Variants in OR2F1 observed in about 807,000 individuals in gnomAD.
OR2F1 encodes olfactory receptor 2F1.
For synonymous variants in OR2F1, 146 were observed against 155.3 expected (o/e 0.94, Z 0.44); for missense variants, 389 against 378.2 (o/e 1.03, Z -0.24).
At chr7:143,958,173 C>T (rs1416836378) in intron 1 of OR2F1, among the ~76,000 whole-genome samples, 2 of 152,190 alleles carry the variant, frequency 1.3e-5, no homozygotes, top group African/African-American at 2.4e-5. Context: ...AACGATGACA[C>T]TTTATAGGTG....
chr7:143,961,005 G>A lies in OR2F1; in HGVS notation c.*81G>A. 1 of 1,079,622 alleles carries A rather than the reference G, an allele frequency of 9.3e-7. No individual in the cohort carries two copies. Among genetic ancestry groups the A allele is most frequent in the Non-Finnish European group, 1.4e-6 (1 of 737,610 alleles). 66.9% of individuals were successfully genotyped at this position (1,079,622 alleles called of 1,614,324 possible). On this transcript the variant is annotated 3_prime_UTR_variant, in exon 3 of 3. Transcript: ENST00000641412. ...AGATCTGACAGGTGTAAACTACATT[G>A]CCCTGGCAACCAGGAAGGAGATGAC...
chr7:143,956,468 C>A (rs1452220564), intron 1 of OR2F1, among the ~76,000 whole-genome samples: 1 of 152,024 alleles, frequency 6.6e-6, no homozygotes, highest in Non-Finnish European at 1.5e-5. Flanking sequence ...AAAAACACAG[C>A]ATACTTGATG....
At chr7:143,955,784 A>G (rs2050281107) in intron 1 of OR2F1, among the ~76,000 whole-genome samples, 1 of 152,176 alleles carries the variant, frequency 6.6e-6, no homozygotes, top group Non-Finnish European at 1.5e-5. Flanking sequence ...TATAGAAAAA[A>G]TTGATTTGAT....
chr7:143,960,867 G>C lies in OR2F1; in HGVS notation c.897G>C (p.Gly299=), dbSNP rs765246232. ...IYSLRNKEVK[G]AWQKLLWKFS... Reference sequence around the variant, plus strand: ...GCCTAAGGAATAAAGAGGTGAAGGGGGCCTGGCAGAAACTATTATGGAAAT... The same window carrying C: ...GCCTAAGGAATAAAGAGGTGAAGGGCGCCTGGCAGAAACTATTATGGAAAT... Residue 299 remains glycine (G), a synonymous_variant, in exon 3 of 3, where the codon GGG becomes GGC. Coordinates refer to ENST00000641412, the MANE Select transcript of OR2F1 (RefSeq NM_012369.3). 2 of 1,613,606 alleles carry C rather than the reference G, an allele frequency of 1.2e-6. No individual in the cohort carries two copies. Among genetic ancestry groups the C allele is most frequent in the Non-Finnish European group, 1.7e-6 (2 of 1,179,874 alleles).
chr7:143,964,205 G>A lies in OR2F1; in HGVS notation c.*3281G>A, dbSNP rs1353847904. On this transcript the variant is annotated 3_prime_UTR_variant, in exon 3 of 3. Transcript: ENST00000641412. ...AGGCATGAACATTGTCTTGATACAG[G>A]AATACAAAATAAGATGCTATTCTAA... 6.6e-6 allele frequency: 1 copy of A among 151,590 alleles called. No individual in the cohort carries two copies. Among genetic ancestry groups the A allele is most frequent in the Non-Finnish European group, 1.5e-5 (1 of 67,890 alleles). The allele number at this position is 151,590 out of a possible 1,614,324, so 9.4% of individuals were successfully genotyped here.
At position 143,961,250 on chromosome 7, in the gene OR2F1, G is replaced by A. The variant is rs764156044; in HGVS notation, c.*326G>A. The A allele has an allele frequency of 1.2e-5, 3 of 241,878 alleles. No individual in the cohort carries two copies. The highest frequency in any genetic ancestry group is 2.4e-5 in the Non-Finnish European group (3 of 124,034). The allele number at this position is 241,878 out of a possible 1,614,324, so 15.0% of individuals were successfully genotyped here. A position where few individuals can be genotyped will look rare whatever the true frequency, so the allele number is the denominator to read the frequency against. ...CGTTTGTAATGATAGACCTACTCATGGATCTTACCTTGGACCACTGGTACT... is the reference window on the plus strand; with the variant it reads ...CGTTTGTAATGATAGACCTACTCATAGATCTTACCTTGGACCACTGGTACT... On this transcript the variant is annotated 3_prime_UTR_variant, in exon 3 of 3. Transcript: ENST00000641412.
chr7:143,956,030 G>A (rs2050282845), intron 1 of OR2F1, among the ~76,000 whole-genome samples: 1 of 152,148 alleles, frequency 6.6e-6, no homozygotes, highest in Non-Finnish European at 1.5e-5. Context: ...AGAGGTTTTG[G>A]TAGTTGTGTT....
intron 1 of OR2F1, among the ~76,000 whole-genome samples, chr7:143,957,971 A>T (rs1373410777): frequency 6.6e-6 from 1 of 152,176 alleles, no homozygotes; most frequent in Non-Finnish European, 1.5e-5. Context: ...CTCATTTGTA[A>T]TGTGACAAGG....
At chr7:143,959,918 GCTT>G in intron 2 of OR2F1, 27 bp from the exon 3 acceptor site, 1 of 1,359,284 alleles carries the variant, frequency 7.4e-7, no homozygotes, top group Non-Finnish European at 1.0e-6. Flanking sequence ...TTATTCAACA[GCTT>G]CTGTTTTTTT....
rs1469026458 is a variant in OR2F1, at chr7:143,961,691, ATC to A, written c.*771_*772del. Reference sequence around the variant, plus strand: ...TCGTTGAAAATATTAAAAATGATCAATCTCTGAAAAATCTGTAAGCTCTTTCT... The same window carrying A: ...TCGTTGAAAATATTAAAAATGATCAATCTGAAAAATCTGTAAGCTCTTTCT... On this transcript the variant is annotated 3_prime_UTR_variant, in exon 3 of 3. Coordinates refer to ENST00000641412, the MANE Select transcript of OR2F1 (RefSeq NM_012369.3). 1 of 152,226 alleles carries A rather than the reference ATC, an allele frequency of 6.6e-6. No homozygotes were observed. Among genetic ancestry groups the A allele is most frequent in the Non-Finnish European group, 1.5e-5 (1 of 68,042 alleles). The allele number at this position is 152,226 out of a possible 1,614,324, so 9.4% of individuals were successfully genotyped here. A position where few individuals can be genotyped will look rare whatever the true frequency, so the allele number is the denominator to read the frequency against.
In OR2F1 at chr7:143,959,035, A is replaced by G. The variant is rs952046959; in HGVS notation, c.-97A>G. ...GTACAATTACAATCCCATCCCACAA[A>G]AAGGTCAAGGGCTACCTGAAAGACC... On this transcript the variant is annotated 5_prime_UTR_variant, in exon 2 of 3. Transcript: ENST00000641412. 1 of 146,090 alleles carries G rather than the reference A, an allele frequency of 6.8e-6. No homozygotes were observed. The highest frequency in any genetic ancestry group is 1.5e-5 in the Non-Finnish European group (1 of 67,164). The allele number at this position is 146,090 out of a possible 1,614,324, so 9.0% of individuals were successfully genotyped here.
intron 1 of OR2F1, among the ~76,000 whole-genome samples, chr7:143,958,282 T>C (rs2050298895): frequency 6.6e-6 from 1 of 152,190 alleles, no homozygotes. Context: ...TTTTTGAGGT[T>C]TTAGAATTTG....
chr7:143,962,841 A>G lies in OR2F1; in HGVS notation c.*1917A>G, dbSNP rs1281120436. On this transcript the variant is annotated 3_prime_UTR_variant, in exon 3 of 3. Transcript: ENST00000641412. ...TTAGAAGGAGTATAGATTGAAAACA[A>G]TTACATTTTAAAAGTATCACTCTGG... 6.6e-6 allele frequency: 1 copy of G among 152,218 alleles called. No homozygotes were observed. 9.4% of individuals were successfully genotyped at this position (152,218 alleles called of 1,614,324 possible).
chr7:143,959,960 T>C lies in OR2F1; in HGVS notation c.-11T>C. 6.4e-7 allele frequency: 1 copy of C among 1,570,792 alleles called. No individual in the cohort carries two copies. The highest frequency in any genetic ancestry group is 8.7e-7 in the Non-Finnish European group (1 of 1,155,606). ...ACTCCCTTCACAGATTAATAATCCT[T>C]GAATATTTTAATGGGAACAGATAAC... On this transcript the variant is annotated 5_prime_UTR_variant, in exon 3 of 3. Transcript: ENST00000641412.
rs2116937779 is a variant in OR2F1 at position 143,960,440 on chromosome 7, C to T, written c.470C>T (p.Pro157Leu). ...TGGGTCAGTGGCTTCATCAGCTCTC[C>T]TGTGCAGACTGCTATCACCTTTCAG... is the stretch of plus-strand genomic sequence containing the variant. ...TSWVSGFISS[P>L]VQTAITFQLP... The change falls in exon 3 of 3, where the codon CCT becomes CTT. Residue 157 changes from proline to leucine, a missense_variant. Pro to Leu is a moderately conservative substitution (Grantham distance 98). Coordinates refer to ENST00000641412, the MANE Select transcript of OR2F1 (RefSeq NM_012369.3). 4 of 1,614,194 alleles carry T rather than the reference C, an allele frequency of 2.5e-6. No individual in the cohort carries two copies. The highest frequency in any genetic ancestry group is 1.1e-5 in the South Asian group (1 of 91,080).
At chr7:143,959,725 G>A (rs115839119) in intron 2 of OR2F1, among the ~76,000 whole-genome samples, 1 of 152,276 alleles carries the variant, frequency 6.6e-6, no homozygotes, top group African/African-American at 2.4e-5. Context: ...TTATTTCCAG[G>A]ATTTAACTGG....
Position 143,960,655 on chromosome 7 carries a change from C to T in OR2F1, c.685C>T (p.Gln229Ter), listed in dbSNP as rs1429188704. ...IQIISTILKI[Q>*]SREGRKKAFH... Reference sequence around the variant, plus strand: ...GATCATCTCCACCATCCTAAAGATCCAGTCCAGAGAAGGAAGAAAGAAAGC... The same window carrying T: ...GATCATCTCCACCATCCTAAAGATCTAGTCCAGAGAAGGAAGAAAGAAAGC... Residue 229 changes from glutamine (Q) to a stop codon, truncating the protein, a stop_gained, in exon 3 of 3, where the codon CAG becomes TAG. Coordinates refer to ENST00000641412, the MANE Select transcript of OR2F1 (RefSeq NM_012369.3). LOFTEE classifies it low-confidence loss of function (END_TRUNC). The T allele has an allele frequency of 2.5e-6, 4 of 1,614,012 alleles. No homozygotes were observed. Among genetic ancestry groups the T allele is most frequent in the East Asian group, 2.2e-5 (1 of 44,882 alleles).
Position 143,960,021 on chromosome 7 carries a change from G to C in OR2F1, c.51G>C (p.Leu17=), listed in dbSNP as rs941952012. ...TWVSEFILLG[L]SSDWDTRVSL... ...TGAGTGAATTTATTCTCCTCGGCCT[G>C]TCCAGTGACTGGGACACTCGGGTCT... Residue 17 remains leucine, a synonymous_variant, in exon 3 of 3, where the codon CTG becomes CTC. Coordinates refer to ENST00000641412, the MANE Select transcript of OR2F1 (RefSeq NM_012369.3). The C allele has an allele frequency of 1.2e-6, 2 of 1,613,862 alleles. No homozygotes were observed. The highest frequency in any genetic ancestry group is 2.7e-5 in the African/African-American group (2 of 74,888).
chr7:143,959,572 G>A (rs1286429263), intron 2 of OR2F1, among the ~76,000 whole-genome samples: 2 of 152,176 alleles, frequency 1.3e-5, no homozygotes, highest in African/African-American at 4.8e-5. Context: ...TAGTTGACAT[G>A]TTTAAGGTAA....
Sources: allele counts gnomAD v4.1 joint callset (sites outside exome capture counted in the v4.1 genomes callset), GRCh38; gene constraint gnomAD v4.1.1; transcripts MANE v1.5; gene names NCBI Gene and HGNC (gene_info 2026-07-23, HGNC 2026-07-21).